MROH7: variants seen among roughly 807,000 people sequenced by gnomAD.
MROH7 encodes the protein maestro heat like repeat family member 7.
A neutral mutation model predicts 129.2 loss-of-function variants in MROH7; 113 were observed. The observed-to-expected ratio is 0.87, with a 90% confidence interval of 0.75 to 1.02. The LOEUF (loss-of-function observed/expected upper bound fraction) is 1.02, where lower values mean the gene tolerates loss of function less well. MROH7 is among the 50% of genes least tolerant of loss of function. MROH7 has a pLI of 0.00. For missense variants in MROH7, 1,601 were observed against 1,671.3 expected, an observed-to-expected ratio of 0.96 and a Z score of 0.73; for synonymous variants, 655 against 667.9, an observed-to-expected ratio of 0.98 and a Z score of 0.30.
Position 54,702,144 on chromosome 1 carries a change from A to G in MROH7, c.3340A>G (p.Lys1114Glu), listed in dbSNP as rs375276448. 2.4e-5 allele frequency: 38 copies of G among 1,611,540 alleles called. No individual in the cohort carries two copies. In the African/African-American group the frequency reaches 4.3e-4, roughly 18 times the overall value. Residue 1114 changes from lysine (K) to glutamate (E), a missense_variant, in exon 20 of 24, where the codon AAG becomes GAG. By Grantham distance (56) the Lys-to-Glu change is moderately conservative. Coordinates refer to ENST00000421030, the MANE Select transcript of MROH7 (RefSeq NM_001039464.4). ...CINLYGKVVQ[K>E]LRAPRTQAME... ...CAACCTGTATGGGAAGGTGGTCCAG[A>G]AGCTTCGGGCACCACGCACTCAGGC... is the stretch of plus-strand genomic sequence containing the variant.
chr1:54,661,358 A>G (rs911559043), intron 3 of MROH7, among the ~76,000 whole-genome samples: 1 of 150,492 alleles, frequency 6.6e-6, no homozygotes, highest in African/African-American at 2.4e-5. Context: ...GATTACAGGC[A>G]TGTGCCACCA....
At chr1:54,662,768 A>G (rs1389347585) in intron 3 of MROH7, among the ~76,000 whole-genome samples, 1 of 152,206 alleles carries the variant, frequency 6.6e-6, no homozygotes, top group Non-Finnish European at 1.5e-5. Flanking sequence ...CTCTACAGCA[A>G]GAGGATCCAG....
intron 17 of MROH7, chr1:54,697,349 A>G (rs971307906): frequency 3.2e-6 from 1 of 311,644 alleles, no homozygotes; most frequent in East Asian, 5.1e-5. Flanking sequence ...GGACCATGTC[A>G]CATTGGTATT....
At chr1:54,701,619 C>T (rs913794498) in intron 19 of MROH7, among the ~76,000 whole-genome samples, 3 of 152,218 alleles carry the variant, frequency 2.0e-5, no homozygotes, top group Non-Finnish European at 4.4e-5. Context: ...CTTGCTCTGG[C>T]ACCCAGGCTG....
chr1:54,709,614 A>G (rs1406934225), intron 23 of MROH7, among the ~76,000 whole-genome samples: 1 of 152,120 alleles, frequency 6.6e-6, no homozygotes, highest in Non-Finnish European at 1.5e-5. Flanking sequence ...GGAGCTCACA[A>G]TCTCATTAAG....
chr1:54,647,997 G>C (rs984783777), intron 1 of MROH7, among the ~76,000 whole-genome samples: 1 of 150,084 alleles, frequency 6.7e-6, no homozygotes, highest in African/African-American at 2.4e-5. Context: ...GCCATTTGTT[G>C]AAACATTTGT....
rs1645447768 is a variant in MROH7 at position 54,702,116 on chromosome 1, C to T, written c.3312C>T (p.Cys1104=). The change falls in exon 20 of 24, where the codon TGC becomes TGT. Residue 1104 remains cysteine, a synonymous_variant. Coordinates refer to ENST00000421030, the MANE Select transcript of MROH7 (RefSeq NM_001039464.4). Reference sequence around the variant, plus strand: ...CACGAGAGGTCGTGCGCTCCTCCTGCATCAACCTGTATGGGAAGGTGGTCC... The same window carrying T: ...CACGAGAGGTCGTGCGCTCCTCCTGTATCAACCTGTATGGGAAGGTGGTCC... ...SDAREVVRSS[C]INLYGKVVQK... The T allele has an allele frequency of 1.9e-6, 3 of 1,609,168 alleles. No homozygotes were observed. The highest frequency in any genetic ancestry group is 2.5e-6 in the Non-Finnish European group (3 of 1,177,430).
chr1:54,691,803 A>AAGTGTGTGTGT (rs778263944), intron 15 of MROH7, among the ~76,000 whole-genome samples: 3 of 104,188 alleles, frequency 2.9e-5, no homozygotes, highest in African/African-American at 1.2e-4. Context: ...AAAAAAAAAA[A>AAGTGTGTGTGT]GTGTGTGTGT....
intron 14 of MROH7, among the ~76,000 whole-genome samples, chr1:54,683,033 C>T (rs1462107336): frequency 1.3e-5 from 1 of 75,754 alleles, no homozygotes; most frequent in Non-Finnish European, 2.4e-5. Context: ...CTTGGAGTCA[C>T]AGACAGTCTA....
At chr1:54,659,377 G>A (rs1199734661) in intron 3 of MROH7, among the ~76,000 whole-genome samples, 1 of 152,062 alleles carries the variant, frequency 6.6e-6, no homozygotes, top group African/African-American at 2.4e-5. Flanking sequence ...CCACCTTCGG[G>A]GTTCAAGCAA....
At chr1:54,663,392 A>G (rs12030764) in intron 3 of MROH7, among the ~76,000 whole-genome samples, 45,393 of 151,784 alleles carry the variant, frequency 0.3, 7,425 homozygotes, top group East Asian at 0.54. Flanking sequence ...CTTTTTTTTG[A>G]GATGAAATAT....
At chr1:54,670,668 C>T (rs1447896302) in intron 6 of MROH7, 92 bp downstream of exon 6, 13 of 855,232 alleles carry the variant, frequency 1.5e-5, no homozygotes, top group Non-Finnish European at 2.1e-5. Flanking sequence ...CCTCCCCCAA[C>T]CCGCCCCCAC....
intron 21 of MROH7, 130 bp downstream of exon 21, chr1:54,702,875 A>G (rs888136191): frequency 8.8e-7 from 1 of 1,139,710 alleles, no homozygotes; most frequent in Non-Finnish European, 1.2e-6. Context: ...TTGGTTCTGG[A>G]ACGTTCCTCT....
intron 3 of MROH7, among the ~76,000 whole-genome samples, chr1:54,663,346 C>G (rs1033031144): frequency 2.6e-5 from 4 of 152,104 alleles, no homozygotes; most frequent in African/African-American, 9.7e-5. Flanking sequence ...TAAAGACCAG[C>G]CTGACCAACA....
intron 19 of MROH7, among the ~76,000 whole-genome samples, chr1:54,701,872 G>GTT (rs34319524): frequency 2.0e-5 from 3 of 147,986 alleles, no homozygotes; most frequent in African/African-American, 4.9e-5. Context: ...CACCTGGCCA[G>GTT]TTTTTTTTTT....
At chr1:54,663,000 G>T (rs1644753951) in intron 3 of MROH7, among the ~76,000 whole-genome samples, 1 of 152,122 alleles carries the variant, frequency 6.6e-6, no homozygotes, top group Non-Finnish European at 1.5e-5. Context: ...TTTTCTCATT[G>T]CATCCTGTCT....
At position 54,678,764 on chromosome 1, in the gene MROH7, CA is replaced by C; in HGVS notation, c.1961del (p.Asn654ThrfsTer19). 1 of 1,613,740 alleles carries C rather than the reference CA, an allele frequency of 6.2e-7. No individual in the cohort carries two copies. The highest frequency in any genetic ancestry group is 8.5e-7 in the Non-Finnish European group (1 of 1,179,798). Reference sequence around the variant, plus strand: ...CAGGAGCCAGAGATAAGGAAGAGACCAACAAAAAGGAGCTATATGAGAGCAA... The same window carrying C: ...CAGGAGCCAGAGATAAGGAAGAGACCACAAAAAGGAGCTATATGAGAGCAA... Reference protein sequence around the residue: ...QKRARDKEETNKKELYESNKH... With the variant: ...QKRARDKEETXKKELYESNKH... On this transcript the variant is annotated frameshift_variant, in exon 11 of 24. Transcript: ENST00000421030. LOFTEE classifies it high-confidence loss of function.
chr1:54,648,299 A>G (rs960471661), intron 1 of MROH7, among the ~76,000 whole-genome samples: 28 of 152,108 alleles, frequency 1.8e-4, no homozygotes, highest in Non-Finnish European at 2.6e-4. Flanking sequence ...TAGTCTATAT[A>G]TTTATCCTTA....
At chr1:54,651,630 A>T (rs2101062837) in intron 1 of MROH7, 1 of 152,470 alleles carries the variant, frequency 6.6e-6, no homozygotes, top group South Asian at 2.1e-4. Context: ...TGGGTCTGCT[A>T]ACAACTGGAG....
Sources: allele counts gnomAD v4.1 joint callset (sites outside exome capture counted in the v4.1 genomes callset), GRCh38; gene constraint gnomAD v4.1.1; transcripts MANE v1.5; gene names NCBI Gene and HGNC (gene_info 2026-07-23, HGNC 2026-07-21).